Variants in MYO5C observed in about 807,000 individuals in gnomAD.
MYO5C encodes the protein myosin VC.
In MYO5C, 194 loss-of-function variants were observed where a neutral mutation model predicts 235.7. The observed-to-expected ratio is 0.82, with a 90% CI of 0.73 to 0.93. The LOEUF is 0.93. Among genes scored for constraint, MYO5C ranks in the 40% least tolerant of loss-of-function variants. The pLI is 0.00. For synonymous variants in MYO5C, 707 were observed against 754.8 expected (o/e 0.94, Z 1.04); for missense variants, 2,038 against 2,127.2 (o/e 0.96, Z 0.82).
chr15:52,230,217 C>T (rs903567977), intron 24 of MYO5C, among the ~76,000 whole-genome samples: 1 of 152,176 alleles, frequency 6.6e-6, no homozygotes, highest in African/African-American at 2.4e-5. Context: ...AGATACATAA[C>T]CTAGACAAGC....
Position 52,223,693 on chromosome 15 carries a change from C to T in MYO5C, c.3478G>A (p.Asp1160Asn), listed in dbSNP as rs767899722. ...VLESHFQSQK[D>N]CYEKEIEALN... ...GCTTCAATCTCCTTTTCATAGCAAT[C>T]CTTCTGAGACTGGAAATGGCTCTCC... Residue 1160 changes from aspartate (D) to asparagine (N), a missense_variant, in exon 29 of 41, where the codon GAT becomes AAT. Transcript: ENST00000261839. The T allele has an allele frequency of 1.2e-6, 2 of 1,613,912 alleles. No individual in the cohort carries two copies. Among genetic ancestry groups the T allele is most frequent in the African/African-American group, 2.7e-5 (2 of 74,888 alleles).
chr15:52,275,220 A>C (rs1425773253), intron 5 of MYO5C, among the ~76,000 whole-genome samples: 1 of 152,246 alleles, frequency 6.6e-6, no homozygotes, highest in Admixed American at 6.5e-5. Flanking sequence ...ATATTTTAAC[A>C]ATCAGCTCAT....
intron 5 of MYO5C, 83 bp from the exon 6 acceptor site, chr15:52,272,806 C>T: frequency 7.2e-7 from 1 of 1,383,100 alleles, no homozygotes; most frequent in South Asian, 1.3e-5. Flanking sequence ...TAGTAAAAGG[C>T]AATCCTGTAC....
chr15:52,288,814 C>T (rs2037328397), intron 1 of MYO5C, among the ~76,000 whole-genome samples: 1 of 152,194 alleles, frequency 6.6e-6, no homozygotes, highest in Admixed American at 6.5e-5. Context: ...AGGGCCACCT[C>T]CCAACTTCCC....
At chr15:52,242,268 T>C (rs1431686379) in intron 19 of MYO5C, 55 bp from the exon 20 acceptor site, 6 of 1,541,444 alleles carry the variant, frequency 3.9e-6, no homozygotes, top group African/African-American at 1.4e-5. Context: ...TCAACTTCCA[T>C]AACAGAGCTG....
At chr15:52,257,112 G>A (rs1370067506) in intron 10 of MYO5C, among the ~76,000 whole-genome samples, 3 of 152,242 alleles carry the variant, frequency 2.0e-5, no homozygotes, top group African/African-American at 7.2e-5. Context: ...CTGCGAAGCT[G>A]CCTGACTGTG....
chr15:52,286,963 A>T (rs1196355362), intron 1 of MYO5C, among the ~76,000 whole-genome samples: 1 of 128,464 alleles, frequency 7.8e-6, no homozygotes, highest in African/African-American at 2.5e-5. Flanking sequence ...AAAAGAAAAA[A>T]AAAAAAGAAA....
At chr15:52,218,763 T>G in intron 31 of MYO5C, 76 bp from the exon 32 acceptor site, 1 of 1,472,518 alleles carries the variant, frequency 6.8e-7, no homozygotes, top group Admixed American at 2.0e-5. Flanking sequence ...TAGCAAGTGC[T>G]GATATTTCCA....
intron 18 of MYO5C, among the ~76,000 whole-genome samples, chr15:52,245,075 C>T (rs1439472585): frequency 6.6e-6 from 1 of 152,212 alleles, no homozygotes; most frequent in Admixed American, 6.5e-5. Context: ...ATCCTATAAG[C>T]CTGGTCCACA....
chr15:52,265,297 A>G (rs2140833616), intron 8 of MYO5C: 1 of 152,294 alleles, frequency 6.6e-6, no homozygotes, highest in Middle Eastern at 3.4e-3. Context: ...GTAGACCCAC[A>G]CGCTGTGAGC....
intron 32 of MYO5C, among the ~76,000 whole-genome samples, chr15:52,215,714 A>G (rs2035537380): frequency 6.6e-6 from 1 of 152,200 alleles, no homozygotes; most frequent in African/African-American, 2.4e-5. Flanking sequence ...CACTCTTCAC[A>G]TTTTGATTTC....
intron 21 of MYO5C, 53 bp from the exon 22 acceptor site, chr15:52,237,699 T>C: frequency 6.5e-7 from 1 of 1,541,958 alleles, no homozygotes. Flanking sequence ...AAAGATGCTG[T>C]TCCATTTAAT....
At chr15:52,270,968 C>T (rs950334708) in intron 7 of MYO5C, among the ~76,000 whole-genome samples, 3 of 152,132 alleles carry the variant, frequency 2.0e-5, no homozygotes, top group Non-Finnish European at 2.9e-5. Context: ...TGTGACAGCA[C>T]GGGGCTCGGG....
chr15:52,225,407 C>T (rs1250800963), intron 26 of MYO5C, 32 bp downstream of exon 26: 2 of 1,492,264 alleles, frequency 1.3e-6, no homozygotes, highest in East Asian at 4.5e-5. Flanking sequence ...TCAGTCTGCA[C>T]CCATGGACTA....
chr15:52,203,083 G>C (rs985466130), intron 38 of MYO5C, among the ~76,000 whole-genome samples: 1 of 151,742 alleles, frequency 6.6e-6, no homozygotes, highest in African/African-American at 2.4e-5. Flanking sequence ...ACCAGGCCTG[G>C]CTAATTTTTT....
chr15:52,266,205 G>A (rs975286959), intron 8 of MYO5C, among the ~76,000 whole-genome samples: 1 of 14,344 alleles, frequency 7.0e-5, no homozygotes, highest in African/African-American at 8.0e-5. Flanking sequence ...CCTGCGTTAA[G>A]TAATCATCCT....
chr15:52,248,355 A>T (rs2036397304), intron 14 of MYO5C, among the ~76,000 whole-genome samples: 1 of 152,008 alleles, frequency 6.6e-6, no homozygotes, highest in Non-Finnish European at 1.5e-5. Flanking sequence ...TTTTTTGGCC[A>T]GGCTGGTCTC....
intron 31 of MYO5C, 62 bp from the exon 32 acceptor site, chr15:52,218,749 G>C: frequency 6.6e-7 from 1 of 1,522,734 alleles, no homozygotes; most frequent in Non-Finnish European, 9.0e-7. Flanking sequence ...GTCACTCACT[G>C]TCATAGCAAG....
At chr15:52,286,029 G>A (rs891353646) in intron 1 of MYO5C, among the ~76,000 whole-genome samples, 253 of 152,100 alleles carry the variant, frequency 1.7e-3, no homozygotes, top group African/African-American at 6.0e-3. Flanking sequence ...GATGTGGGGA[G>A]CGCCTCTGCC....
Sources: allele counts gnomAD v4.1 joint callset (sites outside exome capture counted in the v4.1 genomes callset), GRCh38; gene constraint gnomAD v4.1.1; transcripts MANE v1.5; gene names NCBI Gene and HGNC (gene_info 2026-07-23, HGNC 2026-07-21).